Variants in CTDSPL observed in about 807,000 individuals in gnomAD.
CTDSPL encodes CTD small phosphatase-like protein.
In CTDSPL, 8 loss-of-function variants were observed where a neutral mutation model predicts 30.5. The observed-to-expected ratio is 0.26, with a 90% CI of 0.15 to 0.47. The LOEUF (loss-of-function observed/expected upper bound fraction) is 0.47, where lower values mean the gene tolerates loss of function less well. Among genes scored for constraint, CTDSPL ranks in the 20% least tolerant of loss-of-function variants. The probability of loss-of-function intolerance (pLI) is 0.99; values close to 1 mark genes in which losing one functional copy is unlikely to be tolerated. For synonymous variants in CTDSPL, 110 were observed against 137.9 expected, an observed-to-expected ratio of 0.80 and a Z score of 1.42; for missense variants, 248 against 366.1, an observed-to-expected ratio of 0.68 and a Z score of 2.63.
chr3:37,944,854 G>A (rs1699017302), intron 1 of CTDSPL: 1 of 150,546 alleles, frequency 6.6e-6, no homozygotes, highest in Non-Finnish European at 1.5e-5. Context: ...CAGGTGTTCA[G>A]ATAACTAATT....
rs372254919 is a variant in CTDSPL, at chr3:37,983,962, TA to T, written c.*3106del. 4,388 of 199,832 alleles carry T rather than the reference TA, an allele frequency of 0.022. No individual in the cohort carries two copies. The highest frequency in any genetic ancestry group is 0.05 in the South Asian group (672 of 13,398). The allele number at this position is 199,832 out of a possible 1,614,324, so 12.4% of individuals were successfully genotyped here. A position where few individuals can be genotyped will look rare whatever the true frequency, so the allele number is the denominator to read the frequency against. ...GTTGCAGCATTTGAACTTTTGGTGT[TA>T]AAAAAAAAAACCTGTAAGTCTGTAA... On this transcript the variant is annotated 3_prime_UTR_variant, in exon 8 of 8. Transcript: ENST00000273179.
intron 1 of CTDSPL, among the ~76,000 whole-genome samples, chr3:37,935,274 C>CT (rs1698902000): frequency 6.6e-6 from 1 of 152,172 alleles, no homozygotes; most frequent in Admixed American, 6.5e-5. Flanking sequence ...CCATGAAAAT[C>CT]TCACCACCAT....
intron 1 of CTDSPL, among the ~76,000 whole-genome samples, chr3:37,866,576 CAAT>C (rs1189773408): frequency 6.6e-6 from 1 of 151,974 alleles, no homozygotes; most frequent in Admixed American, 6.6e-5. Context: ...GGGAATTGAA[CAAT>C]AATAAAACCA....
rs998079783 is a variant in CTDSPL at position 37,862,381 on chromosome 3, A to C, written c.79+103A>C. 4 of 947,714 alleles carry C rather than the reference A, an allele frequency of 4.2e-6. No individual in the cohort carries two copies. Among genetic ancestry groups the C allele is most frequent in the Non-Finnish European group, 5.6e-6 (4 of 718,660 alleles). 58.7% of individuals were successfully genotyped at this position (947,714 alleles called of 1,614,324 possible). On this transcript the variant is annotated intron_variant, in intron 1 of 7. Coordinates refer to ENST00000273179, the MANE Select transcript of CTDSPL (RefSeq NM_001008392.2). This position sits in a 1 kb window ranked among gnomAD's most constrained non-coding sequence, Gnocchi z 4.3. Reference sequence around the variant, plus strand: ...GCATGGGCCTGGGGGAGGGGTGCACAGGGCCCGGAGGGTGCGTGGGTGTGG... The same window carrying C: ...GCATGGGCCTGGGGGAGGGGTGCACCGGGCCCGGAGGGTGCGTGGGTGTGG...
rs752253197 is a variant in CTDSPL at position 37,984,192 on chromosome 3, T to C, written c.*3325T>C. The C allele has an allele frequency of 4.4e-6, 2 of 456,528 alleles. No homozygotes were observed. The highest frequency in any genetic ancestry group is 8.8e-6 in the Non-Finnish European group (2 of 226,898). 28.3% of individuals were successfully genotyped at this position (456,528 alleles called of 1,614,324 possible). On this transcript the variant is annotated 3_prime_UTR_variant, in exon 8 of 8. Transcript: ENST00000273179. Reference sequence around the variant, plus strand: ...AACTGTGCAAAATTGGCTGGCTGCCTCTGTTCCTACTGTACTGTAACTTTG... The same window carrying C: ...AACTGTGCAAAATTGGCTGGCTGCCCCTGTTCCTACTGTACTGTAACTTTG...
At position 37,981,554 on chromosome 3, in the gene CTDSPL, C is replaced by T. The variant is rs1323343484; in HGVS notation, c.*687C>T. 1 of 256,160 alleles carries T rather than the reference C, an allele frequency of 3.9e-6. No homozygotes were observed. Among genetic ancestry groups the T allele is most frequent in the Non-Finnish European group, 7.9e-6 (1 of 126,810 alleles). The allele number at this position is 256,160 out of a possible 1,614,324, so 15.9% of individuals were successfully genotyped here. On this transcript the variant is annotated 3_prime_UTR_variant, in exon 8 of 8. Coordinates refer to ENST00000273179, the MANE Select transcript of CTDSPL (RefSeq NM_001008392.2). ...TGTCATTGTCTCCACTCATTTTTGA[C>T]CCAGTTTGGAATGTATCTGCAATTG... is the stretch of plus-strand genomic sequence containing the variant.
At chr3:37,976,321 A>C (rs1699427363) in intron 7 of CTDSPL, among the ~76,000 whole-genome samples, 1 of 152,072 alleles carries the variant, frequency 6.6e-6, no homozygotes, top group Non-Finnish European at 1.5e-5. Context: ...GGCCTGGTTG[A>C]TCTCTTTAAC....
intron 1 of CTDSPL, among the ~76,000 whole-genome samples, chr3:37,930,315 C>T (rs750126995): frequency 6.6e-6 from 1 of 151,940 alleles, no homozygotes; most frequent in Non-Finnish European, 1.5e-5. Flanking sequence ...GGCTGGAGTG[C>T]AGCAGTGTAA....
At chr3:37,914,135 G>A (rs868453571) in intron 1 of CTDSPL, among the ~76,000 whole-genome samples, 2 of 152,078 alleles carry the variant, frequency 1.3e-5, no homozygotes, top group Admixed American at 6.5e-5. Flanking sequence ...AGAATTTTCT[G>A]TGTAGAGGTC....
chr3:37,884,754 G>A (rs1698245467), intron 1 of CTDSPL, among the ~76,000 whole-genome samples: 1 of 151,694 alleles, frequency 6.6e-6, no homozygotes, highest in Non-Finnish European at 1.5e-5. Context: ...AGGAAAAGAT[G>A]ATTGAAGATA....
chr3:37,873,989 A>T (rs1034969737), intron 1 of CTDSPL, among the ~76,000 whole-genome samples: 1 of 152,268 alleles, frequency 6.6e-6, no homozygotes, highest in Non-Finnish European at 1.5e-5. Flanking sequence ...GTTTAACCTG[A>T]TAGCTTTCAC....
At chr3:37,902,912 A>T (rs892180797) in intron 1 of CTDSPL, among the ~76,000 whole-genome samples, 10 of 152,256 alleles carry the variant, frequency 6.6e-5, no homozygotes, top group African/African-American at 2.4e-4. Flanking sequence ...TCAGATGCAC[A>T]GTATTGCACA....
chr3:37,967,072 G>C (rs916899874), intron 4 of CTDSPL, among the ~76,000 whole-genome samples: 1 of 152,234 alleles, frequency 6.6e-6, no homozygotes, highest in African/African-American at 2.4e-5. Flanking sequence ...ATATCCAGAA[G>C]TTTGTGGGTG....
rs771011671 is a variant in CTDSPL, at chr3:37,980,724, C to T, written c.706-18C>T. ...GCTAGATGCAGTCCTGCTGCCTCCT[C>T]CATGCACTGTCTTCCAGGTGCCTGT... On this transcript the variant is annotated intron_variant, in intron 7 of 7. Coordinates refer to ENST00000273179, the MANE Select transcript of CTDSPL (RefSeq NM_001008392.2). The T allele has an allele frequency of 6.2e-7, 1 of 1,614,090 alleles. No individual in the cohort carries two copies. Among genetic ancestry groups the T allele is most frequent in the South Asian group, 1.1e-5 (1 of 91,066 alleles).
At chr3:37,918,786 C>T (rs896356861) in intron 1 of CTDSPL, among the ~76,000 whole-genome samples, 15 of 152,070 alleles carry the variant, frequency 9.9e-5, no homozygotes, top group African/African-American at 3.6e-4. Flanking sequence ...AATTTGATTC[C>T]TTCACCCAAC....
chr3:37,949,631 A>G (rs1699085953), intron 2 of CTDSPL, among the ~76,000 whole-genome samples: 2 of 152,232 alleles, frequency 1.3e-5, no homozygotes, highest in Admixed American at 1.3e-4. Flanking sequence ...CACTGGTGGA[A>G]TTATAGCTAG....
At chr3:37,898,111 C>T (rs183678692) in intron 1 of CTDSPL, among the ~76,000 whole-genome samples, 183 of 152,234 alleles carry the variant, frequency 1.2e-3, no homozygotes, top group African/African-American at 4.2e-3. Flanking sequence ...TCAATATTCA[C>T]ATTTATTGCC....
chr3:37,970,051 C>T (rs1358409568), intron 5 of CTDSPL, among the ~76,000 whole-genome samples: 2 of 152,186 alleles, frequency 1.3e-5, no homozygotes, highest in Non-Finnish European at 2.9e-5. Context: ...TCATCTTCAG[C>T]CACTTCCTCT....
intron 2 of CTDSPL, among the ~76,000 whole-genome samples, chr3:37,953,551 A>AT (rs1316077930): frequency 1.3e-5 from 2 of 152,210 alleles, no homozygotes; most frequent in East Asian, 3.8e-4. Context: ...ACATATACAG[A>AT]TAAAGGAAGG....
Sources: gnomAD v4.1 joint callset for allele counts (sites outside exome capture counted in the v4.1 genomes callset) on GRCh38, gnomAD v4.1.1 for gene constraint, Gnocchi (gnomAD v3.1) non-coding constraint, MANE v1.5 for transcripts, NCBI Gene and HGNC (gene_info 2026-07-23, HGNC 2026-07-21) for gene names.